CTNNA2: variants seen among roughly 807,000 people sequenced by gnomAD.
CTNNA2 encodes catenin alpha 2, also known as catenin alpha-2.
Under a neutral mutation model 101.0 loss-of-function variants are expected in CTNNA2, and 42 were observed. The ratio of observed to expected loss-of-function variants is 0.42; its 90% CI spans 0.32 to 0.54. The LOEUF (loss-of-function observed/expected upper bound fraction) is 0.54, where lower values mean the gene tolerates loss of function less well. CTNNA2 is among the 20% of genes least tolerant of loss of function. The probability of loss-of-function intolerance (pLI) is 0.14; values close to 1 mark genes in which losing one functional copy is unlikely to be tolerated. For missense variants in CTNNA2, 871 were observed against 1,223.1 expected, an observed-to-expected ratio of 0.71 and a Z score of 4.29; for synonymous variants, 450 against 456.4, an observed-to-expected ratio of 0.99 and a Z score of 0.18.
chr2:80,263,699 G>A (rs923833716), intron 7 of CTNNA2, among the ~76,000 whole-genome samples: 13 of 152,244 alleles, frequency 8.5e-5, no homozygotes, highest in Admixed American at 6.5e-5. Context: ...GTGTTTGACA[G>A]TCACATGTTC....
At chr2:79,272,661 T>C (rs1177231409) in intron 2 of CTNNA2, among the ~76,000 whole-genome samples, 1 of 152,082 alleles carries the variant, frequency 6.6e-6, no homozygotes, top group Non-Finnish European at 1.5e-5. Context: ...CACTGTAAAT[T>C]GGATTTTTAA....
At chr2:79,698,992 T>C (rs1684820131) in intron 2 of CTNNA2, among the ~76,000 whole-genome samples, 1 of 152,100 alleles carries the variant, frequency 6.6e-6, no homozygotes, top group South Asian at 2.1e-4. Context: ...TGTGATGAAA[T>C]TGAGTGGTGA....
intron 2 of CTNNA2, among the ~76,000 whole-genome samples, chr2:79,268,531 G>A (rs1400355426): frequency 6.6e-6 from 1 of 152,136 alleles, no homozygotes; most frequent in Non-Finnish European, 1.5e-5. Flanking sequence ...AACTCAAGAG[G>A]GGGTGAGGGG....
rs369981178 is a variant in CTNNA2 at position 79,973,618 on chromosome 2, G to A, written c.1056+63821G>A. Among the ~76,000 whole-genome samples the A allele has an allele frequency of 1.1e-4, 17 of 152,234 alleles. No homozygotes were observed. In the South Asian group the frequency reaches 1.9e-3, roughly 17 times the overall value. On this transcript the variant is annotated intron_variant, in intron 7 of 18. Coordinates refer to ENST00000402739, the MANE Select transcript of CTNNA2 (RefSeq NM_001282597.3). ...GGTGTGTCAACCTAAAAAACAAACA[G>A]AGCCTCACCAAAATCTGATATTTAT...
chr2:80,038,142 A>C (rs1345305758), intron 7 of CTNNA2, among the ~76,000 whole-genome samples: 1 of 152,152 alleles, frequency 6.6e-6, no homozygotes, highest in East Asian at 1.9e-4. Context: ...TCTGGCATGG[A>C]GGAGATGGAC....
intron 2 of CTNNA2, among the ~76,000 whole-genome samples, chr2:79,736,187 T>C (rs17017735): frequency 0.045 from 6,805 of 152,286 alleles, 217 homozygotes; most frequent in South Asian, 0.082. Context: ...TTCTCTCTGA[T>C]GTGTACAACA....
chr2:80,643,009 G>C (rs1262059847), intron 18 of CTNNA2, among the ~76,000 whole-genome samples: 1 of 152,118 alleles, frequency 6.6e-6, no homozygotes, highest in Non-Finnish European at 1.5e-5. Flanking sequence ...CAGCTCTCCT[G>C]CCCCTATTTG....
intron 7 of CTNNA2, among the ~76,000 whole-genome samples, chr2:80,116,064 T>C (rs200633052): frequency 1.4e-5 from 2 of 147,934 alleles, no homozygotes; most frequent in African/African-American, 2.5e-5. Flanking sequence ...CTTTTTTTTT[T>C]CCCGTAAAGG....
At chr2:79,532,316 C>G (rs932514078) in intron 1 of CTNNA2, among the ~76,000 whole-genome samples, 8 of 152,050 alleles carry the variant, frequency 5.3e-5, no homozygotes, top group African/African-American at 1.4e-4. Context: ...CTTAAATAAG[C>G]TTTGTGACGA....
At chr2:80,432,040 C>T (rs1017472137) in intron 9 of CTNNA2, among the ~76,000 whole-genome samples, 2 of 151,908 alleles carry the variant, frequency 1.3e-5, no homozygotes, top group African/African-American at 4.8e-5. Flanking sequence ...ATATTTAACA[C>T]AGTATAACCA....
chr2:80,090,108 A>G (rs1236055799), intron 7 of CTNNA2, among the ~76,000 whole-genome samples: 1 of 151,836 alleles, frequency 6.6e-6, no homozygotes, highest in African/African-American at 2.4e-5. Flanking sequence ...GGTGGTGACC[A>G]TAGTAGAGAA....
chr2:80,302,782 C>G lies in CTNNA2; in HGVS notation c.1057-90429C>G, dbSNP rs1408768820. ...CCAGGACGTCCTCGCCCTGTGCGTA[C>G]TCCGGGCTGGCGCACTGCAAGTTGC... On this transcript the variant is annotated intron_variant, in intron 7 of 18. Coordinates refer to ENST00000402739, the MANE Select transcript of CTNNA2 (RefSeq NM_001282597.3). The surrounding 1 kb of genome is among the most constrained non-coding windows in gnomAD (Gnocchi z 6.4). 6.2e-7 allele frequency: 1 copy of G among 1,613,456 alleles called. No individual in the cohort carries two copies. Among genetic ancestry groups the G allele is most frequent in the African/African-American group, 1.3e-5 (1 of 75,064 alleles).
intron 7 of CTNNA2, among the ~76,000 whole-genome samples, chr2:80,242,465 G>T (rs1671015720): frequency 6.6e-6 from 1 of 152,170 alleles, no homozygotes; most frequent in Non-Finnish European, 1.5e-5. Flanking sequence ...GGAGAGTCCT[G>T]CTTCAATTTA....
At chr2:80,193,022 A>T (rs1238635592) in intron 7 of CTNNA2, among the ~76,000 whole-genome samples, 1 of 152,092 alleles carries the variant, frequency 6.6e-6, no homozygotes, top group African/African-American at 2.4e-5. Flanking sequence ...TGATTGAGGA[A>T]CTTCATATTG....
At chr2:79,440,009 A>G (rs10520240) in intron 4 of CTNNA2, among the ~76,000 whole-genome samples, 5,941 of 152,250 alleles carry the variant, frequency 0.039, 371 homozygotes, top group African/African-American at 0.14. Context: ...AAGTTTCATT[A>G]TAAGGCATAT....
At chr2:79,537,768 T>C (rs1246842729) in intron 1 of CTNNA2, among the ~76,000 whole-genome samples, 1 of 150,118 alleles carries the variant, frequency 6.7e-6, no homozygotes, top group Non-Finnish European at 1.5e-5. Context: ...ATAATTTTGT[T>C]TAGCACATGT....
At chr2:80,143,147 A>T (rs906749534) in intron 7 of CTNNA2, among the ~76,000 whole-genome samples, 1 of 152,138 alleles carries the variant, frequency 6.6e-6, no homozygotes, top group Non-Finnish European at 1.5e-5. Flanking sequence ...TGCTGAATGG[A>T]TGTGAAAGTT....
chr2:79,293,345 G>A (rs1675878711), intron 2 of CTNNA2: 1 of 152,092 alleles, frequency 6.6e-6, no homozygotes, highest in African/African-American at 2.4e-5. Context: ...AACATAAACT[G>A]GCTGCTTAGT....
At chr2:79,362,172 T>C (rs890956456) in intron 3 of CTNNA2, among the ~76,000 whole-genome samples, 8 of 152,224 alleles carry the variant, frequency 5.3e-5, no homozygotes, top group African/African-American at 1.9e-4. Flanking sequence ...AACAGCACTG[T>C]CTTTTTTAAT....
Sources: allele counts gnomAD v4.1 joint callset (sites outside exome capture counted in the v4.1 genomes callset), GRCh38; gene constraint gnomAD v4.1.1; non-coding constraint Gnocchi (gnomAD v3.1); transcripts MANE v1.5; gene names NCBI Gene and HGNC (gene_info 2026-07-23, HGNC 2026-07-21).